TRIM51G: variants seen among roughly 807,000 people sequenced by gnomAD.
The protein encoded by TRIM51G is tripartite motif-containing 51G.
At chr11:48,975,861 C>T in the TRIM51G span, 1 of 986,704 alleles carries the variant, frequency 1.0e-6, no homozygotes, top group Non-Finnish European at 1.6e-6. Flanking sequence ...AAAAATCAGC[C>T]CCCCATTGAA....
At chr11:48,977,306 A>G in the TRIM51G span, 1 of 555,736 alleles carries the variant, frequency 1.8e-6, no homozygotes. Context: ...TTCCAAAATT[A>G]TCATTTTCTT....
chr11:48,976,983 G>C, the TRIM51G span: 1 of 609,194 alleles, frequency 1.6e-6, no homozygotes, highest in Non-Finnish European at 3.0e-6. Context: ...TTCACTTCCT[G>C]CTGAAATGAA....
chr11:48,981,534 T>C, the TRIM51G span: 9 of 1,602,738 alleles, frequency 5.6e-6, 1 homozygote, highest in Middle Eastern at 1.1e-3. Flanking sequence ...TCTTCTTGCA[T>C]TTAGAGCACT....
At chr11:48,976,799 A>G in the TRIM51G span, among the ~76,000 whole-genome samples, 1 of 152,130 alleles carries the variant, frequency 6.6e-6, no homozygotes, top group Non-Finnish European at 1.5e-5. Flanking sequence ...CTTCCTTCTG[A>G]GCATTTTTCC....
At chr11:48,979,226 C>G in the TRIM51G span, 1 of 549,186 alleles carries the variant, frequency 1.8e-6, no homozygotes, top group Non-Finnish European at 3.5e-6. Flanking sequence ...TCAGATTCCA[C>G]AAAATTTTAT....
At chr11:48,978,726 C>G in the TRIM51G span, 1 of 566,202 alleles carries the variant, frequency 1.8e-6, no homozygotes. Flanking sequence ...AGAGGCTGTA[C>G]CCTCCCAACC....
chr11:48,978,056 C>A, the TRIM51G span: 863 of 473,260 alleles, frequency 1.8e-3, 2 homozygotes, highest in Non-Finnish European at 2.7e-3. Flanking sequence ...ATATCTGAAT[C>A]ACTTATACCT....
At chr11:48,979,887 G>A in the TRIM51G span, among the ~76,000 whole-genome samples, 1 of 151,404 alleles carries the variant, frequency 6.6e-6, no homozygotes, top group African/African-American at 2.4e-5. Flanking sequence ...GCAAACAGGA[G>A]GATATATATA....
At chr11:48,978,379 G>A in the TRIM51G span, among the ~76,000 whole-genome samples, 4 of 152,066 alleles carry the variant, frequency 2.6e-5, no homozygotes, top group African/African-American at 4.8e-5. Context: ...CTTTTTACAA[G>A]TGAAGGGAGA....
chr11:48,975,881 C>A, the TRIM51G span: 1 of 839,676 alleles, frequency 1.2e-6, no homozygotes, highest in East Asian at 2.5e-5. Flanking sequence ...AGAAAACATT[C>A]AGATTTATCA....
At chr11:48,975,790 C>A in the TRIM51G span, 1 of 1,558,384 alleles carries the variant, frequency 6.4e-7, no homozygotes, top group Non-Finnish European at 8.8e-7. Context: ...GTTACAGACA[C>A]CAAAAGCCCA....
chr11:48,978,759 G>A, the TRIM51G span: 31 of 563,712 alleles, frequency 5.5e-5, no homozygotes, highest in African/African-American at 1.5e-4. Flanking sequence ...TTATAGAATC[G>A]TGTTTTTGGA....
At chr11:48,979,003 T>G in the TRIM51G span, 2 of 1,362,038 alleles carry the variant, frequency 1.5e-6, no homozygotes, top group African/African-American at 2.9e-5. Context: ...TCGCCCTCCT[T>G]TTGCAGCCTC....
chr11:48,978,189 T>C, the TRIM51G span: 2 of 532,208 alleles, frequency 3.8e-6, no homozygotes, highest in Non-Finnish European at 3.9e-6. Context: ...GGCTTAGTGC[T>C]TTCCACAAGA....
At chr11:48,980,859 T>C in the TRIM51G span, 6 of 462,182 alleles carry the variant, frequency 1.3e-5, no homozygotes, top group Non-Finnish European at 2.2e-5. Flanking sequence ...AGTCACCCAT[T>C]TGTTCACCAT....
the TRIM51G span, among the ~76,000 whole-genome samples, chr11:48,982,911 C>T: frequency 1.1e-4 from 13 of 119,928 alleles, no homozygotes; most frequent in Admixed American, 1.0e-3. Flanking sequence ...GTATGGTATA[C>T]GATAGGCAAT....
chr11:48,978,965 G>C, the TRIM51G span: 1 of 1,582,176 alleles, frequency 6.3e-7, no homozygotes, highest in East Asian at 2.2e-5. Context: ...TTCTGGCTTT[G>C]CTTTCATTGA....
At chr11:48,981,251 T>C in the TRIM51G span, 1 of 1,600,790 alleles carries the variant, frequency 6.2e-7, no homozygotes, top group South Asian at 1.1e-5. Context: ...CCATGTGTCC[T>C]GTATAGAAAT....
the TRIM51G span, chr11:48,978,150 T>G: frequency 1.9e-6 from 1 of 529,494 alleles, no homozygotes. Flanking sequence ...TTGTAATATG[T>G]CTCCAAAAGA....
Sources: gnomAD v4.1 joint callset for allele counts (sites outside exome capture counted in the v4.1 genomes callset) on GRCh38, gnomAD v4.1.1 for gene constraint, MANE v1.5 for transcripts, NCBI Gene and HGNC (gene_info 2026-07-23, HGNC 2026-07-21) for gene names.